The following UBE2Q2 variants were observed in gnomAD, a reference collection of about 807,000 sequenced individuals.
UBE2Q2 encodes the protein ubiquitin conjugating enzyme E2 Q2.
A neutral mutation model predicts 59.9 loss-of-function variants in UBE2Q2; 54 were observed. The observed-to-expected ratio is 0.90, with a 90% CI of 0.72 to 1.13. The LOEUF is 1.13. Among genes scored for constraint, UBE2Q2 ranks in the 50% most tolerant of loss-of-function variants. The pLI is 0.00. For synonymous variants in UBE2Q2, 165 were observed against 155.2 expected (o/e 1.06, Z -0.47); for missense variants, 433 against 441.9 (o/e 0.98, Z 0.18).
At chr15:75,855,626 A>G (rs1295136125) in intron 2 of UBE2Q2, among the ~76,000 whole-genome samples, 1 of 152,208 alleles carries the variant, frequency 6.6e-6, no homozygotes, top group Non-Finnish European at 1.5e-5. Flanking sequence ...AAGAGTTTTT[A>G]AGATTACTGG....
chr15:75,852,451 A>G (rs1258909659), intron 1 of UBE2Q2, among the ~76,000 whole-genome samples: 2 of 152,242 alleles, frequency 1.3e-5, no homozygotes, highest in African/African-American at 4.8e-5. Context: ...AGTGTATCAT[A>G]TCTTTTCATC....
chr15:75,843,909 C>T (rs544349081), intron 1 of UBE2Q2, 63 bp downstream of exon 1: 20 of 1,479,098 alleles, frequency 1.4e-5, no homozygotes, highest in Non-Finnish European at 1.6e-5. Flanking sequence ...GCTTCGAGTC[C>T]CGGGACAAAG....
intron 4 of UBE2Q2, among the ~76,000 whole-genome samples, chr15:75,869,789 G>A (rs938785281): frequency 2.6e-5 from 4 of 152,158 alleles, no homozygotes; most frequent in African/African-American, 4.8e-5. Flanking sequence ...TTAGTAGAGT[G>A]CATTCCAAAG....
chr15:75,870,080 G>A (rs1897703267), intron 4 of UBE2Q2, among the ~76,000 whole-genome samples: 1 of 151,934 alleles, frequency 6.6e-6, no homozygotes, highest in East Asian at 1.9e-4. Flanking sequence ...GGCTTGTTTT[G>A]TTTTTTTGAG....
chr15:75,865,230 G>A (rs370614277), intron 3 of UBE2Q2, among the ~76,000 whole-genome samples: 1 of 152,216 alleles, frequency 6.6e-6, no homozygotes, highest in Admixed American at 6.5e-5. Flanking sequence ...ACTTATGTAT[G>A]CATCCTTGAA....
intron 2 of UBE2Q2, among the ~76,000 whole-genome samples, chr15:75,857,218 G>GA (rs1896964149): frequency 6.6e-6 from 1 of 152,196 alleles, no homozygotes; most frequent in Admixed American, 6.5e-5. Flanking sequence ...CCCAGCAAGG[G>GA]GGTTGATGGG....
Position 75,879,183 on chromosome 15 carries a change from T to A in UBE2Q2, c.820T>A (p.Phe274Ile), listed in dbSNP as rs1898257197. The A allele has an allele frequency of 6.3e-7, 1 of 1,575,372 alleles. No individual in the cohort carries two copies. The highest frequency in any genetic ancestry group is 2.3e-5 in the East Asian group (1 of 44,146). ...AGAATATATTTTGCTTAACTTCTCT[T>A]TTAAGGTAAGAAAATAGTTACAGGA... is the stretch of plus-strand genomic sequence containing the variant. ...GIEYILLNFSFKDNFPFDPPF... is the reference protein window; with the variant it reads ...GIEYILLNFSIKDNFPFDPPF... Residue 274 changes from phenylalanine (F) to isoleucine (I), a missense_variant, in exon 8 of 13, where the codon TTT becomes ATT. Transcript: ENST00000267938.
At chr15:75,844,008 G>C (rs1028609151) in intron 1 of UBE2Q2, 162 bp downstream of exon 1, 23 of 1,411,408 alleles carry the variant, frequency 1.6e-5, no homozygotes, top group Non-Finnish European at 2.0e-5. Context: ...GCCGGGCTGG[G>C]ACTGCGCGAG....
chr15:75,875,828 G>A (rs763429315), intron 5 of UBE2Q2, among the ~76,000 whole-genome samples: 3 of 151,922 alleles, frequency 2.0e-5, no homozygotes, highest in African/African-American at 4.8e-5. Context: ...TTGGGAGGCC[G>A]AGGCAGGCAG....
intron 4 of UBE2Q2, among the ~76,000 whole-genome samples, chr15:75,873,159 T>G (rs1412273322): frequency 6.6e-6 from 1 of 152,198 alleles, no homozygotes; most frequent in Non-Finnish European, 1.5e-5. Context: ...AATAGGAGAT[T>G]TAGAAGATGG....
chr15:75,890,392 A>G (rs1266236056), intron 9 of UBE2Q2, 43 bp from the exon 10 acceptor site: 7 of 1,509,588 alleles, frequency 4.6e-6, no homozygotes, highest in South Asian at 1.2e-5. Flanking sequence ...TTAAGGAGGA[A>G]TAATTCTCGA....
chr15:75,859,963 A>T lies in UBE2Q2; in HGVS notation c.368A>T (p.Gln123Leu). The change falls in exon 3 of 13, where the codon CAA (glutamine) becomes CTA (leucine). Residue 123 changes from glutamine to leucine, a missense_variant. Physicochemically the swap from Gln to Leu is moderately radical, Grantham distance 113. Transcript: ENST00000267938. ...CACCTGGATGTTGAGATGCTAGATCAACCACTACCCACGGGTCAGGTAAAG... is the reference window on the plus strand; with the variant it reads ...CACCTGGATGTTGAGATGCTAGATCTACCACTACCCACGGGTCAGGTAAAG... ...PKHLDVEMLDQPLPTGQNGTT... is the reference protein window; with the variant it reads ...PKHLDVEMLDLPLPTGQNGTT... The T allele has an allele frequency of 6.2e-7, 1 of 1,601,704 alleles. No homozygotes were observed. Among genetic ancestry groups the T allele is most frequent in the Non-Finnish European group, 8.5e-7 (1 of 1,176,084 alleles).
intron 1 of UBE2Q2, among the ~76,000 whole-genome samples, chr15:75,851,582 A>G (rs901545770): frequency 6.6e-6 from 1 of 152,172 alleles, no homozygotes. Context: ...CAGTTTTATT[A>G]TTGAAATTTA....
At chr15:75,876,293 C>T (rs1898076338) in intron 6 of UBE2Q2, 22 bp downstream of exon 6, 1 of 1,584,834 alleles carries the variant, frequency 6.3e-7, no homozygotes, top group Non-Finnish European at 8.7e-7. Context: ...TGGATCCCTG[C>T]TCTCTTTATG....
chr15:75,890,607 G>A (rs933643293), intron 10 of UBE2Q2, 124 bp downstream of exon 10: 2 of 892,042 alleles, frequency 2.2e-6, no homozygotes, highest in Admixed American at 2.9e-5. Context: ...TTTTAAAATA[G>A]CGTCTACTTT....
intron 9 of UBE2Q2, among the ~76,000 whole-genome samples, 162 bp downstream of exon 9, chr15:75,883,586 G>A (rs572466976): frequency 5.3e-5 from 8 of 152,038 alleles, no homozygotes; most frequent in Non-Finnish European, 1.2e-4. Context: ...ACAGGCATGA[G>A]GCCACTGTGC....
intron 2 of UBE2Q2, among the ~76,000 whole-genome samples, chr15:75,857,443 A>G (rs992956965): frequency 2.0e-5 from 3 of 152,152 alleles, no homozygotes; most frequent in Non-Finnish European, 4.4e-5. Context: ...AAAACAACTC[A>G]CCTCCCACTC....
At chr15:75,852,070 T>C (rs1896662185) in intron 1 of UBE2Q2, among the ~76,000 whole-genome samples, 1 of 151,872 alleles carries the variant, frequency 6.6e-6, no homozygotes, top group African/African-American at 2.4e-5. Context: ...AGAGATGGGG[T>C]TTCACCCTGT....
At chr15:75,870,930 CACA>C (rs1897752184) in intron 4 of UBE2Q2, among the ~76,000 whole-genome samples, 1 of 152,102 alleles carries the variant, frequency 6.6e-6, no homozygotes, top group Admixed American at 6.6e-5. Context: ...AAGAAAAAGA[CACA>C]GAGACAAAGT....
Sources: allele counts gnomAD v4.1 joint callset (sites outside exome capture counted in the v4.1 genomes callset), GRCh38; gene constraint gnomAD v4.1.1; transcripts MANE v1.5; gene names NCBI Gene and HGNC (gene_info 2026-07-23, HGNC 2026-07-21).